The following CCZ1B variants were observed in gnomAD, a reference collection of about 807,000 sequenced individuals.
CCZ1B encodes the protein vacuolar fusion protein CCZ1 homolog B.
Under a neutral mutation model 58.8 loss-of-function variants are expected in CCZ1B, and 25 were observed. The observed-to-expected ratio is 0.43, with a 90% CI of 0.31 to 0.59. The LOEUF (loss-of-function observed/expected upper bound fraction) is 0.59, where lower values mean the gene tolerates loss of function less well. Ranked by LOEUF, CCZ1B falls within the 20% of genes least tolerant of loss-of-function variation. The pLI, the probability that CCZ1B is intolerant of heterozygous loss-of-function variation, is 0.12. For synonymous variants in CCZ1B, 66 were observed against 173.2 expected (o/e 0.38, Z 4.86); for missense variants, 180 against 501.5 (o/e 0.36, Z 6.12).
intron 4 of CCZ1B, among the ~76,000 whole-genome samples, chr7:6,823,596 G>A (rs1342435357): frequency 7.5e-6 from 1 of 133,306 alleles, no homozygotes; most frequent in Non-Finnish European, 1.5e-5. Context: ...CTGGCTCACT[G>A]CAACATTTGC....
intron 11 of CCZ1B, chr7:6,805,622 G>A: frequency 4.0e-6 from 1 of 250,700 alleles, no homozygotes; most frequent in South Asian, 6.1e-5. Context: ...TAATGGGCTG[G>A]GTGTGGGGGC....
At chr7:6,815,184 T>C (rs1261328154) in intron 7 of CCZ1B, among the ~76,000 whole-genome samples, 5 of 147,896 alleles carry the variant, frequency 3.4e-5, no homozygotes, top group African/African-American at 1.3e-4. Flanking sequence ...TTTTTTTTTT[T>C]GAGACAAGGT....
chr7:6,811,904 G>A, intron 10 of CCZ1B, 48 bp downstream of exon 10: 2 of 1,593,564 alleles, frequency 1.3e-6, no homozygotes, highest in Non-Finnish European at 1.7e-6. Context: ...ATGCAAGAAA[G>A]ATCCATTTCA....
At chr7:6,814,596 C>T in intron 8 of CCZ1B, 168 bp downstream of exon 8, 1 of 499,086 alleles carries the variant, frequency 2.0e-6, no homozygotes. Flanking sequence ...TGGAGGAGAG[C>T]TGCATGTGGT....
chr7:6,804,862 G>A lies in CCZ1B; in HGVS notation c.1106+76C>T, dbSNP rs199990297. 2.0e-4 allele frequency: 228 copies of A among 1,149,214 alleles called. 45 individuals are homozygous for A. In the East Asian group the frequency reaches 6.7e-3, roughly 34 times the overall value. The allele number at this position is 1,149,214 out of a possible 1,614,324, so 71.2% of individuals were successfully genotyped here. A position where few individuals can be genotyped will look rare whatever the true frequency, so the allele number is the denominator to read the frequency against. On this transcript the variant is annotated intron_variant, in intron 12 of 14. Coordinates refer to ENST00000316731, the MANE Select transcript of CCZ1B (RefSeq NM_198097.5). ...GAACACAGGACTGTTAATACCACCC[G>A]TATTTGTAAGTGAAAACTACGTGTA... is the stretch of plus-strand genomic sequence containing the variant.
intron 6 of CCZ1B, among the ~76,000 whole-genome samples, chr7:6,821,698 G>A (rs1168187570): frequency 2.0e-5 from 3 of 151,130 alleles, no homozygotes; most frequent in African/African-American, 7.4e-5. Flanking sequence ...AAACAGCCAA[G>A]ACAAGACCCT....
At chr7:6,820,228 G>A (rs1042449550) in intron 6 of CCZ1B, among the ~76,000 whole-genome samples, 2 of 149,338 alleles carry the variant, frequency 1.3e-5, no homozygotes, top group African/African-American at 5.0e-5. Context: ...ATCCAGGCTG[G>A]AGTGCAGTGG....
intron 1 of CCZ1B, among the ~76,000 whole-genome samples, chr7:6,825,699 G>T (rs2115133409): frequency 7.7e-6 from 1 of 130,210 alleles, no homozygotes; most frequent in Admixed American, 8.3e-5. Flanking sequence ...TCATTTGGGC[G>T]AAAACTATTA....
At chr7:6,822,247 T>A in intron 6 of CCZ1B, 34 bp downstream of exon 6, 1 of 1,560,004 alleles carries the variant, frequency 6.4e-7, no homozygotes, top group Non-Finnish European at 8.6e-7. Context: ...GATGAATGCT[T>A]AGTAAAGTTA....
intron 10 of CCZ1B, among the ~76,000 whole-genome samples, chr7:6,809,499 G>C (rs575537380): frequency 6.1e-5 from 9 of 146,526 alleles, no homozygotes; most frequent in Non-Finnish European, 1.0e-4. Context: ...GGAGATTTCA[G>C]TCATTACCTG....
At chr7:6,823,149 G>C (rs1380677260) in intron 5 of CCZ1B, among the ~76,000 whole-genome samples, 164 bp downstream of exon 5, 1 of 148,836 alleles carries the variant, frequency 6.7e-6, no homozygotes, top group Non-Finnish European at 1.5e-5. Flanking sequence ...AATAAATGTA[G>C]GCATAAACCT....
chr7:6,819,906 T>C lies in CCZ1B; in HGVS notation c.558A>G (p.Leu186=), dbSNP rs768771390. The part of the protein sequence containing the change: ...LQTLHLQSCD[L]LDIFGGISFF... Reference sequence around the variant, plus strand: ...AGCTGATTCCACCAAAAATGTCAAGTAGGTCACATGACTGCAAATGTAGCG... The same window carrying C: ...AGCTGATTCCACCAAAAATGTCAAGCAGGTCACATGACTGCAAATGTAGCG... The change falls in exon 7 of 15, where the codon CTA becomes CTG. Residue 186 remains leucine (L), a synonymous_variant. Transcript: ENST00000316731. The C allele has an allele frequency of 3.7e-6, 6 of 1,604,130 alleles. No homozygotes were observed. The South Asian group carries it at 5.6e-5, about 15-fold the overall frequency.
intron 7 of CCZ1B, among the ~76,000 whole-genome samples, chr7:6,819,325 T>G (rs1046857713): frequency 1.4e-5 from 2 of 146,332 alleles, no homozygotes. Context: ...AACCTCCGCC[T>G]CCCGGGTTCA....
Position 6,814,704 on chromosome 7 carries a change from T to G in CCZ1B, c.780+60A>C, listed in dbSNP as rs1294985320. 13 of 1,453,880 alleles carry G rather than the reference T, an allele frequency of 8.9e-6. 1 individual carries two copies. Among genetic ancestry groups the G allele is most frequent in the Non-Finnish European group, 1.2e-5 (13 of 1,052,048 alleles). 90.1% of individuals were successfully genotyped at this position (1,453,880 alleles called of 1,614,324 possible). ...ACACCCCCATGCACCACCATCTCAC[T>G]CCACCTGCCCTCTCTGTGCCCCTGC... On this transcript the variant is annotated intron_variant, in intron 8 of 14. Transcript: ENST00000316731.
Position 6,812,850 on chromosome 7 carries a change from C to T in CCZ1B, c.842+126G>A, listed in dbSNP as rs966725294. On this transcript the variant is annotated intron_variant, in intron 9 of 14. Coordinates refer to ENST00000316731, the MANE Select transcript of CCZ1B (RefSeq NM_198097.5). The stretch of plus-strand genomic sequence containing the variant: ...CTGAGGCATGAGAATCACTTGAGCC[C>T]GGGGAGGCAGAGGTTGCAGTGAGCG... 85 of 1,535,944 alleles carry T rather than the reference C, an allele frequency of 5.5e-5. 2 individuals are homozygous for T. The highest frequency in any genetic ancestry group is 2.2e-4 in the South Asian group (18 of 83,702).
intron 14 of CCZ1B, among the ~76,000 whole-genome samples, chr7:6,800,484 G>C (rs1445396349): frequency 7.2e-6 from 1 of 138,158 alleles, no homozygotes; most frequent in African/African-American, 2.8e-5. Context: ...GCAAGACTCT[G>C]TTTCAAAAAA....
At chr7:6,810,316 T>G (rs1268469668) in intron 10 of CCZ1B, among the ~76,000 whole-genome samples, 1 of 148,832 alleles carries the variant, frequency 6.7e-6, no homozygotes, top group Admixed American at 6.7e-5. Flanking sequence ...CCCCGGCTAA[T>G]GTCTTTCTTT....
chr7:6,815,172 C>CTT (rs200922002), intron 7 of CCZ1B, among the ~76,000 whole-genome samples: 1,907 of 135,756 alleles, frequency 0.014, 123 homozygotes, highest in African/African-American at 0.044. Flanking sequence ...ATTTTTTTTT[C>CTT]TTTTTTTTTT....
intron 6 of CCZ1B, among the ~76,000 whole-genome samples, chr7:6,821,402 G>A (rs1260339739): frequency 1.3e-5 from 2 of 152,266 alleles, no homozygotes; most frequent in African/African-American, 2.4e-5. Flanking sequence ...GAGAAATGAG[G>A]ACAAGAACAG....
Sources: gnomAD v4.1 joint callset for allele counts (sites outside exome capture counted in the v4.1 genomes callset) on GRCh38, gnomAD v4.1.1 for gene constraint, MANE v1.5 for transcripts, NCBI Gene and HGNC (gene_info 2026-07-23, HGNC 2026-07-21) for gene names.